The following DHRS3 variants were observed in gnomAD, a reference collection of about 807,000 sequenced individuals.
DHRS3 encodes the protein short-chain dehydrogenase/reductase 3.
A neutral mutation model predicts 27.2 loss-of-function variants in DHRS3; 14 were observed. That is an observed-to-expected ratio of 0.52 (90% CI 0.34 to 0.81). DHRS3 has a LOEUF of 0.81. Among genes scored for constraint, DHRS3 ranks in the 30% least tolerant of loss-of-function variants. The pLI is 0.01. For synonymous variants in DHRS3, 165 were observed against 175.9 expected (o/e 0.94, Z 0.49); for missense variants, 322 against 406.2 (o/e 0.79, Z 1.78).
intron 4 of DHRS3, among the ~76,000 whole-genome samples, chr1:12,576,027 TC>T (rs1238597182): frequency 1.3e-5 from 2 of 151,842 alleles, no homozygotes; most frequent in Non-Finnish European, 2.9e-5. Flanking sequence ...TTATTATGAA[TC>T]TCTTTTTAGA....
rs1470274492 is a variant in DHRS3, at chr1:12,617,134, G to C, written c.195+20C>G. ...CCGCCCCTGCGGCCCCCCACTCCCT[G>C]GAGTCGCAGTGCCTGGTACCTTTCT... On this transcript the variant is annotated intron_variant, in intron 1 of 5. Coordinates refer to ENST00000616661, the MANE Select transcript of DHRS3 (RefSeq NM_004753.7). 7 of 1,603,780 alleles carry C rather than the reference G, an allele frequency of 4.4e-6. No homozygotes were observed. The Admixed American group carries it at 1.2e-4, about 27-fold the overall frequency.
chr1:12,572,883 C>T (rs990504102), intron 4 of DHRS3, 30 bp from the exon 5 acceptor site: 1 of 1,559,896 alleles, frequency 6.4e-7, no homozygotes, highest in African/African-American at 1.4e-5. Context: ...CAGTGGGTTT[C>T]TCCTGGAGAG....
Position 12,568,146 on chromosome 1 carries a change from T to TG in DHRS3, c.*193dup, listed in dbSNP as rs1054863699. ...TTCTGGCTGTTTTCCTGCCTCCCTG[T>TG]GGGGGTCAGTTATACCCATCAGTCC... On this transcript the variant is annotated 3_prime_UTR_variant, in exon 6 of 6. Transcript: ENST00000616661. 40 of 548,782 alleles carry TG rather than the reference T, an allele frequency of 7.3e-5. No individual in the cohort carries two copies. The highest frequency in any genetic ancestry group is 7.2e-4 in the African/African-American group (38 of 52,510). 34.0% of individuals were successfully genotyped at this position (548,782 alleles called of 1,614,324 possible). A position where few individuals can be genotyped will look rare whatever the true frequency, so the allele number is the denominator to read the frequency against.
At chr1:12,588,560 G>A (rs1344987379) in intron 1 of DHRS3, among the ~76,000 whole-genome samples, 1 of 152,140 alleles carries the variant, frequency 6.6e-6, no homozygotes, top group Admixed American at 6.5e-5. Flanking sequence ...TCTCCCATGA[G>A]CGTGCAAGGT....
chr1:12,582,389 A>T (rs981276834), intron 1 of DHRS3, among the ~76,000 whole-genome samples: 2 of 152,200 alleles, frequency 1.3e-5, no homozygotes, highest in African/African-American at 2.4e-5. Flanking sequence ...TGAAAACCCC[A>T]CTTAGTCTAG....
intron 1 of DHRS3, chr1:12,616,626 C>G: frequency 1.0e-6 from 1 of 989,530 alleles, no homozygotes; most frequent in Non-Finnish European, 1.2e-6. Context: ...CAGACTACTG[C>G]ATACAAGACC....
intron 1 of DHRS3, among the ~76,000 whole-genome samples, chr1:12,585,559 G>A (rs982212328): frequency 6.6e-6 from 1 of 152,200 alleles, no homozygotes; most frequent in African/African-American, 2.4e-5. Context: ...TGAGTGGAGG[G>A]AATGGGTCCC....
intron 1 of DHRS3, among the ~76,000 whole-genome samples, chr1:12,601,713 A>G (rs948365325): frequency 2.0e-5 from 3 of 151,872 alleles, no homozygotes; most frequent in East Asian, 1.9e-4. Context: ...AAAAGGCAAG[A>G]CTCATTGGTT....
intron 1 of DHRS3, among the ~76,000 whole-genome samples, chr1:12,602,830 C>T (rs1480021253): frequency 6.6e-6 from 1 of 152,258 alleles, no homozygotes; most frequent in Non-Finnish European, 1.5e-5. Flanking sequence ...TTCCAGCAGC[C>T]CTGGCCGGCA....
intron 2 of DHRS3, chr1:12,580,265 C>T (rs1557516513): frequency 4.0e-6 from 2 of 503,952 alleles, no homozygotes; most frequent in Non-Finnish European, 3.6e-6. Flanking sequence ...GACATTTGCC[C>T]CGCCACAGTC....
intron 1 of DHRS3, among the ~76,000 whole-genome samples, chr1:12,609,292 G>A (rs1646891129): frequency 1.3e-5 from 2 of 152,264 alleles, no homozygotes; most frequent in South Asian, 2.1e-4. Flanking sequence ...ACATAGTCAC[G>A]ATTCCTCAGA....
At chr1:12,595,810 A>G (rs1452793311) in intron 1 of DHRS3, among the ~76,000 whole-genome samples, 2 of 85,628 alleles carry the variant, frequency 2.3e-5, no homozygotes, top group Non-Finnish European at 4.4e-5. Flanking sequence ...TGGCTGCAGA[A>G]GGGGGCTGGG....
chr1:12,601,116 G>A (rs965968840), intron 1 of DHRS3, among the ~76,000 whole-genome samples: 1 of 152,042 alleles, frequency 6.6e-6, no homozygotes, highest in South Asian at 2.1e-4. Context: ...ACTGGAAGAT[G>A]AGTGTTGTCC....
Position 12,568,303 on chromosome 1 carries a change from A to G in DHRS3, c.*37T>C. On this transcript the variant is annotated 3_prime_UTR_variant, in exon 6 of 6. Transcript: ENST00000616661. ...GTGTGCCCAGGTGCTGTGGCCCCCA[A>G]ACTCCGTGGCTCCTCAAGCATGTCT... is the stretch of plus-strand genomic sequence containing the variant. 3.7e-6 allele frequency: 6 copies of G among 1,600,672 alleles called. No individual in the cohort carries two copies. The highest frequency in any genetic ancestry group is 1.7e-4 in the Middle Eastern group (1 of 6,032).
In DHRS3 at chr1:12,574,951, C is replaced by G. The variant is rs72871179; in HGVS notation, c.699-2098G>C. ...GTAAAATGGGAATAAAAGCTCTCTT[C>G]CAGGGTTGCTGTGAGGGCCAAATGC... On this transcript the variant is annotated intron_variant, in intron 4 of 5. Transcript: ENST00000616661. The surrounding 1 kb of genome is among the most constrained non-coding windows in gnomAD (Gnocchi z 4.6). Among the ~76,000 whole-genome samples, 14,008 of 152,080 alleles carry G rather than the reference C, an allele frequency of 0.092. 1,180 individuals are homozygous for G. The highest frequency in any genetic ancestry group is 0.22 in the African/African-American group (8,991 of 41,438).
In DHRS3 at chr1:12,617,668, G is replaced by A. The variant is rs1570409109; in HGVS notation, c.-320C>T. 8.8e-6 allele frequency: 2 copies of A among 226,012 alleles called. No homozygotes were observed. The highest frequency in any genetic ancestry group is 1.7e-4 in the East Asian group (2 of 11,648). The allele number at this position is 226,012 out of a possible 1,614,324, so 14.0% of individuals were successfully genotyped here. ...TGCCCCAGCAGCCGTTTCGGCTGGG[G>A]AATTCTCAGGTAATGTTTACAGACT... On this transcript the variant is annotated 5_prime_UTR_variant, in exon 1 of 6. Transcript: ENST00000616661.
intron 1 of DHRS3, among the ~76,000 whole-genome samples, chr1:12,609,323 G>A (rs999080317): frequency 1.3e-5 from 2 of 151,980 alleles, no homozygotes; most frequent in Non-Finnish European, 2.9e-5. Context: ...CCTGAAGCTG[G>A]TTGTCACTTC....
At chr1:12,602,819 T>C (rs536735034) in intron 1 of DHRS3, among the ~76,000 whole-genome samples, 1 of 152,348 alleles carries the variant, frequency 6.6e-6, no homozygotes, top group Non-Finnish European at 1.5e-5. Flanking sequence ...TAGGCACTGG[T>C]TTCCAGCAGC....
In DHRS3 at chr1:12,568,408, C is replaced by A. The variant is rs949166620; in HGVS notation, c.841G>T (p.Ala281Ser). The A allele has an allele frequency of 1.2e-6, 2 of 1,613,534 alleles. No individual in the cohort carries two copies. The highest frequency in any genetic ancestry group is 2.7e-5 in the African/African-American group (2 of 74,910). Residue 281 changes from alanine (A) to serine (S), a missense_variant, in exon 6 of 6, where the codon GCA becomes TCA. Physicochemically the swap from Ala to Ser is moderately conservative, Grantham distance 99 (BLOSUM62 1). Transcript: ENST00000616661. ...GAGAATTTGTGGATCTCCTCGAGTG[C>A]AGCCTGTGGAAGTATGCTGGAGTAG... ...VILKSILPQA[A>S]LEEIHKFSGT...
Sources: gnomAD v4.1 joint callset for allele counts (sites outside exome capture counted in the v4.1 genomes callset) on GRCh38, gnomAD v4.1.1 for gene constraint, Gnocchi (gnomAD v3.1) non-coding constraint, MANE v1.5 for transcripts, NCBI Gene and HGNC (gene_info 2026-07-23, HGNC 2026-07-21) for gene names.